The following CDH10 variants were observed in gnomAD, a reference collection of about 807,000 sequenced individuals.
The protein encoded by CDH10 is cadherin 10.
A neutral mutation model predicts 73.1 loss-of-function variants in CDH10; 30 were observed. The ratio of observed to expected loss-of-function variants is 0.41; its 90% CI spans 0.31 to 0.56. CDH10 has a LOEUF of 0.56. CDH10 is among the 20% of genes least tolerant of loss of function. CDH10 has a pLI of 0.27. For missense variants in CDH10, 815 were observed against 973.7 expected, an observed-to-expected ratio of 0.84 and a Z score of 2.17; for synonymous variants, 345 against 348.2, an observed-to-expected ratio of 0.99 and a Z score of 0.10.
At chr5:24,537,271 T>A in intron 3 of CDH10, 109 bp downstream of exon 3, 1 of 725,914 alleles carries the variant, frequency 1.4e-6, no homozygotes, top group Non-Finnish European at 2.3e-6. Context: ...TATGTACTCA[T>A]GGTAGCAAAT....
chr5:24,575,355 C>CAAAAAAAAAAAAAAAAAAAAA (rs751333761), intron 2 of CDH10, among the ~76,000 whole-genome samples: 1 of 123,850 alleles, frequency 8.1e-6, no homozygotes, highest in Non-Finnish European at 1.6e-5. Context: ...ACAAAAACAA[C>CAAAAAAAAAAAAAAAAAAAAA]AAAAAAAAAA....
At chr5:24,610,470 G>GT (rs1405587464) in intron 1 of CDH10, among the ~76,000 whole-genome samples, 3 of 151,854 alleles carry the variant, frequency 2.0e-5, no homozygotes, top group East Asian at 1.9e-4. Context: ...ATATTAATGT[G>GT]TTTTTTTCAT....
intron 2 of CDH10, among the ~76,000 whole-genome samples, chr5:24,550,765 A>G (rs894396681): frequency 6.6e-6 from 1 of 152,194 alleles, no homozygotes; most frequent in African/African-American, 2.4e-5. Context: ...TTTCAAAATA[A>G]AAACCTAAGA....
At chr5:24,564,148 C>T (rs1745080769) in intron 2 of CDH10, among the ~76,000 whole-genome samples, 1 of 152,074 alleles carries the variant, frequency 6.6e-6, no homozygotes, top group Admixed American at 6.5e-5. Flanking sequence ...GTATTCATTG[C>T]TATTGGGACA....
At chr5:24,580,550 C>T (rs947994750) in intron 2 of CDH10, among the ~76,000 whole-genome samples, 1 of 152,030 alleles carries the variant, frequency 6.6e-6, no homozygotes, top group African/African-American at 2.4e-5. Flanking sequence ...GGTATTAAGC[C>T]GAGTATCCAT....
intron 1 of CDH10, among the ~76,000 whole-genome samples, chr5:24,601,251 C>A (rs1746553158): frequency 6.6e-6 from 1 of 152,164 alleles, no homozygotes; most frequent in Admixed American, 6.6e-5. Flanking sequence ...CTTTGGAAAT[C>A]AAATTTTTCT....
chr5:24,632,037 T>C (rs1027542146), intron 1 of CDH10, among the ~76,000 whole-genome samples: 2 of 152,054 alleles, frequency 1.3e-5, no homozygotes, highest in Non-Finnish European at 2.9e-5. Context: ...CCCAGGGTGA[T>C]GGTTGACTAT....
chr5:24,610,832 C>T (rs1746919052), intron 1 of CDH10, among the ~76,000 whole-genome samples: 1 of 152,134 alleles, frequency 6.6e-6, no homozygotes, highest in Admixed American at 6.6e-5. Context: ...GGAAGCTGCA[C>T]CTTTAACTGA....
At chr5:24,507,966 G>T (rs1742758451) in intron 7 of CDH10, among the ~76,000 whole-genome samples, 1 of 152,172 alleles carries the variant, frequency 6.6e-6, no homozygotes, top group Non-Finnish European at 1.5e-5. Context: ...TAAAATACAT[G>T]ATTTCACTTG....
At chr5:24,524,688 T>C (rs1743462120) in intron 5 of CDH10, among the ~76,000 whole-genome samples, 1 of 152,194 alleles carries the variant, frequency 6.6e-6, no homozygotes, top group East Asian at 1.9e-4. Context: ...CACAAAGGCA[T>C]GAATGTGAGA....
Position 24,487,998 on chromosome 5 carries a change from G to T in CDH10, c.2032C>A (p.Pro678Thr), listed in dbSNP as rs1741906539. 6.2e-7 allele frequency: 1 copy of T among 1,613,864 alleles called. No individual in the cohort carries two copies. Among genetic ancestry groups the T allele is most frequent in the Non-Finnish European group, 8.5e-7 (1 of 1,179,932 alleles). The change falls in exon 12 of 12, where the codon CCT becomes ACT. Residue 678 changes from proline (P) to threonine (T), a missense_variant. Around this residue, in one of 3 missense-constraint regions of CDH10, gnomAD observed 241 missense variants for 240.3 expected, o/e 1.00. Transcript: ENST00000264463. ...QAFDIGTLRNPAAIEEKKLRR... is the reference protein window; with the variant it reads ...QAFDIGTLRNTAAIEEKKLRR... ...AGCTTTTTTTCCTCAATGGCTGCAG[G>T]ATTCCTCAGGGTGCCGATATCAAAG...
rs530238833 is a variant in CDH10 at position 24,641,191 on chromosome 5, G to C, written c.-124+3403C>G. ...AAGACAGGAGAAATGGATTATAAAA[G>C]GGCTCAAGGGCTCATACTAAAATGT... On this transcript the variant is annotated intron_variant, in intron 1 of 11. Transcript: ENST00000264463. Among the ~76,000 whole-genome samples, 3 of 152,030 alleles carry C rather than the reference G, an allele frequency of 2.0e-5. No homozygotes were observed. In the East Asian group the frequency reaches 5.8e-4, roughly 29 times the overall value.
chr5:24,489,481 T>TACA (rs1741970398), intron 11 of CDH10, among the ~76,000 whole-genome samples: 1 of 152,134 alleles, frequency 6.6e-6, no homozygotes, highest in Non-Finnish European at 1.5e-5. Flanking sequence ...TTGCCTAAAT[T>TACA]CATATATTTA....
At chr5:24,622,543 A>G (rs908006302) in intron 1 of CDH10, among the ~76,000 whole-genome samples, 4 of 152,168 alleles carry the variant, frequency 2.6e-5, no homozygotes, top group African/African-American at 4.8e-5. Flanking sequence ...TGATTAGAGA[A>G]TGGATTACCA....
chr5:24,527,894 G>C (rs1579763774), intron 5 of CDH10, among the ~76,000 whole-genome samples: 2 of 151,746 alleles, frequency 1.3e-5, no homozygotes, highest in Non-Finnish European at 2.9e-5. Context: ...GAGACAGAGA[G>C]AGAGATTGTG....
At chr5:24,533,970 G>A (rs1743846271) in intron 5 of CDH10, among the ~76,000 whole-genome samples, 1 of 151,916 alleles carries the variant, frequency 6.6e-6, no homozygotes. Flanking sequence ...AATTCTATAT[G>A]AATTTTGAAA....
At chr5:24,555,081 A>T (rs140916138) in intron 2 of CDH10, among the ~76,000 whole-genome samples, 118 of 152,114 alleles carry the variant, frequency 7.8e-4, no homozygotes, top group African/African-American at 2.7e-3. Flanking sequence ...TTTTTATAAG[A>T]ATGTACTGTA....
At chr5:24,561,191 T>A (rs1744948757) in intron 2 of CDH10, among the ~76,000 whole-genome samples, 1 of 152,158 alleles carries the variant, frequency 6.6e-6, no homozygotes, top group Admixed American at 6.5e-5. Flanking sequence ...AAAGTGCTAA[T>A]ATTATGTCAA....
chr5:24,611,679 C>T (rs1029797125), intron 1 of CDH10: 3 of 152,076 alleles, frequency 2.0e-5, no homozygotes, highest in African/African-American at 7.2e-5. Flanking sequence ...TATGTGATCC[C>T]ATCTTCTTGC....
Sources: gnomAD v4.1 joint callset for allele counts (sites outside exome capture counted in the v4.1 genomes callset) on GRCh38, gnomAD v4.1.1 for gene constraint, gnomAD v4.1.1 regional missense constraint, MANE v1.5 for transcripts, NCBI Gene and HGNC (gene_info 2026-07-23, HGNC 2026-07-21) for gene names.